Variants in PTPRD observed in about 807,000 individuals in gnomAD.
PTPRD encodes protein tyrosine phosphatase receptor type D.
Under a neutral mutation model 214.5 loss-of-function variants are expected in PTPRD, and 34 were observed. That is an observed-to-expected ratio of 0.16 (90% confidence interval 0.12 to 0.21). The LOEUF (loss-of-function observed/expected upper bound fraction) is 0.21. PTPRD is among the 10% of genes least tolerant of loss of function. The pLI, the probability that PTPRD is intolerant of heterozygous loss-of-function variation, is 1.00. For synonymous variants in PTPRD, 1,128 were observed against 845.7 expected (o/e 1.33, Z -5.79); for missense variants, 2,545 against 2,398.7 (o/e 1.06, Z -1.27).
chr9:9,347,901 C>T (rs1387998381), intron 9 of PTPRD, among the ~76,000 whole-genome samples: 3 of 152,150 alleles, frequency 2.0e-5, no homozygotes, highest in Admixed American at 6.6e-5. Flanking sequence ...TTAAAAGCGT[C>T]CTATGTCATT....
intron 3 of PTPRD, among the ~76,000 whole-genome samples, chr9:10,284,824 T>C (rs1232835378): frequency 1.3e-5 from 2 of 152,146 alleles, no homozygotes; most frequent in East Asian, 3.9e-4. Flanking sequence ...CTCTTCTCTT[T>C]GGAATCCTTT....
intron 9 of PTPRD, among the ~76,000 whole-genome samples, chr9:9,242,249 C>T (rs575372707): frequency 1.6e-3 from 237 of 152,200 alleles, no homozygotes; most frequent in African/African-American, 5.4e-3. Context: ...TGTGAGTAAC[C>T]CGACCTTTCT....
chr9:10,247,867 C>A (rs528241842), intron 3 of PTPRD, among the ~76,000 whole-genome samples: 29 of 152,144 alleles, frequency 1.9e-4, no homozygotes, highest in African/African-American at 7.0e-4. Context: ...GTCTCTGTGT[C>A]CCCACCCAAA....
chr9:9,424,992 A>C (rs1277733250), intron 8 of PTPRD, among the ~76,000 whole-genome samples: 3 of 152,182 alleles, frequency 2.0e-5, no homozygotes, highest in African/African-American at 2.4e-5. Context: ...TTTGACCGGT[A>C]GATTTCAGCA....
At chr9:9,124,069 A>G (rs916306375) in intron 10 of PTPRD, among the ~76,000 whole-genome samples, 1 of 152,168 alleles carries the variant, frequency 6.6e-6, no homozygotes, top group African/African-American at 2.4e-5. Context: ...ACCACTAGTA[A>G]GCAAGGCATC....
At chr9:9,281,127 T>G (rs1353067683) in intron 9 of PTPRD, among the ~76,000 whole-genome samples, 1 of 151,176 alleles carries the variant, frequency 6.6e-6, no homozygotes, top group Non-Finnish European at 1.5e-5. Context: ...AACATAGACC[T>G]AAAATTAAAA....
intron 10 of PTPRD, among the ~76,000 whole-genome samples, chr9:9,163,339 A>C (rs2099894220): frequency 6.6e-6 from 1 of 152,044 alleles, no homozygotes; most frequent in African/African-American, 2.4e-5. Flanking sequence ...TGATCTCCTT[A>C]TCTTTCTTCC....
At chr9:9,592,717 G>C (rs577389475) in intron 7 of PTPRD, among the ~76,000 whole-genome samples, 116 of 152,070 alleles carry the variant, frequency 7.6e-4, no homozygotes, top group African/African-American at 2.7e-3. Flanking sequence ...TGTAGGTGAA[G>C]ATTGCTAAAA....
At chr9:8,911,031 C>A (rs1397626247) in intron 11 of PTPRD, among the ~76,000 whole-genome samples, 1 of 152,204 alleles carries the variant, frequency 6.6e-6, no homozygotes, top group East Asian at 1.9e-4. Context: ...TCAAACTTAT[C>A]TGTAGATTCA....
chr9:9,229,280 T>A (rs930140621), intron 9 of PTPRD, among the ~76,000 whole-genome samples: 1 of 152,242 alleles, frequency 6.6e-6, no homozygotes. Flanking sequence ...ACTGATAAGA[T>A]TTGGATTGCA....
intron 7 of PTPRD, among the ~76,000 whole-genome samples, chr9:9,618,403 A>G (rs187342384): frequency 7.2e-4 from 110 of 152,162 alleles, no homozygotes; most frequent in African/African-American, 2.6e-3. Context: ...AAAAACAATA[A>G]TATAGTGCTT....
chr9:8,434,827 GC>G (rs144735132), intron 35 of PTPRD, among the ~76,000 whole-genome samples: 12,815 of 152,122 alleles, frequency 0.084, 1,124 homozygotes, highest in African/African-American at 0.22. Context: ...TCACTATGGA[GC>G]CCTAAGCCCT....
intron 11 of PTPRD, among the ~76,000 whole-genome samples, chr9:8,942,784 T>C (rs1249204501): frequency 6.6e-6 from 1 of 152,142 alleles, no homozygotes; most frequent in South Asian, 2.1e-4. Flanking sequence ...AGCTTTATTA[T>C]AAATAATTCC....
intron 14 of PTPRD, among the ~76,000 whole-genome samples, chr9:8,597,897 C>G (rs1240457512): frequency 1.3e-5 from 2 of 152,236 alleles, no homozygotes; most frequent in East Asian, 3.9e-4. Context: ...AAAATGTACT[C>G]ATTTTTCTTG....
chr9:9,413,367 G>A (rs1188012771), intron 8 of PTPRD, among the ~76,000 whole-genome samples: 2 of 151,620 alleles, frequency 1.3e-5, no homozygotes, highest in Non-Finnish European at 2.9e-5. Context: ...ACCCGCCTCG[G>A]CCTCCCAAAG....
At chr9:9,163,332 T>C (rs1035763369) in intron 10 of PTPRD, among the ~76,000 whole-genome samples, 1 of 152,072 alleles carries the variant, frequency 6.6e-6, no homozygotes, top group Non-Finnish European at 1.5e-5. Flanking sequence ...GCACTCATGA[T>C]CTCCTTATCT....
At chr9:9,982,566 TTTC>T (rs2095580934) in intron 4 of PTPRD, among the ~76,000 whole-genome samples, 1 of 151,654 alleles carries the variant, frequency 6.6e-6, no homozygotes, top group African/African-American at 2.4e-5. Flanking sequence ...AAAAGTGACT[TTTC>T]TTCCCTCCTG....
At chr9:8,522,775 T>C (rs2097916692) in intron 19 of PTPRD, among the ~76,000 whole-genome samples, 2 of 152,188 alleles carry the variant, frequency 1.3e-5, no homozygotes, top group Admixed American at 1.3e-4. Context: ...CAAAATGTCA[T>C]ACCATAAGAA....
intron 3 of PTPRD, among the ~76,000 whole-genome samples, chr9:10,137,632 C>G (rs1285788580): frequency 1.4e-5 from 1 of 72,496 alleles, no homozygotes; most frequent in African/African-American, 6.3e-5. Flanking sequence ...AGCGCACCAG[C>G]ATGGCACATG....
Sources: allele counts gnomAD v4.1 joint callset (sites outside exome capture counted in the v4.1 genomes callset), GRCh38; gene constraint gnomAD v4.1.1; transcripts MANE v1.5; gene names NCBI Gene and HGNC (gene_info 2026-07-23, HGNC 2026-07-21).